Variants in CNTNAP2 observed in about 807,000 individuals in gnomAD.
CNTNAP2 encodes the protein contactin associated protein 2.
CNTNAP2 carries 98 observed loss-of-function variants against 155.2 expected under a neutral mutation model. The ratio of observed to expected loss-of-function variants is 0.63; its 90% CI spans 0.54 to 0.75. CNTNAP2 has a LOEUF of 0.75. Among genes scored for constraint, CNTNAP2 ranks in the 30% least tolerant of loss-of-function variants. The probability of loss-of-function intolerance (pLI) is 0.00; values close to 1 mark genes in which losing one functional copy is unlikely to be tolerated. For missense variants in CNTNAP2, 1,727 were observed against 1,688.1 expected, an observed-to-expected ratio of 1.02 and a Z score of -0.40; for synonymous variants, 651 against 631.2, an observed-to-expected ratio of 1.03 and a Z score of -0.47.
chr7:146,357,661 A>G (rs1383881053), intron 1 of CNTNAP2, among the ~76,000 whole-genome samples: 1 of 152,154 alleles, frequency 6.6e-6, no homozygotes, highest in East Asian at 1.9e-4. Flanking sequence ...ACATTTCTCT[A>G]TTTTGCTAAA....
chr7:146,378,393 A>AT (rs897976192), intron 1 of CNTNAP2, among the ~76,000 whole-genome samples: 4 of 152,124 alleles, frequency 2.6e-5, no homozygotes, highest in Admixed American at 6.5e-5. Context: ...GATGATGATG[A>AT]TGGTGATGAT....
At chr7:146,386,586 C>A (rs892821118) in intron 1 of CNTNAP2, among the ~76,000 whole-genome samples, 2 of 152,008 alleles carry the variant, frequency 1.3e-5, no homozygotes, top group Non-Finnish European at 2.9e-5. Flanking sequence ...CGGGGTTTCA[C>A]CATGTTGGAG....
At chr7:147,619,654 C>A (rs1330651175) in intron 12 of CNTNAP2, among the ~76,000 whole-genome samples, 1 of 152,186 alleles carries the variant, frequency 6.6e-6, no homozygotes, top group Non-Finnish European at 1.5e-5. Flanking sequence ...GACAGCTCAG[C>A]CACAGTACAA....
chr7:146,150,629 C>G (rs1416737527), intron 1 of CNTNAP2, among the ~76,000 whole-genome samples: 1 of 151,810 alleles, frequency 6.6e-6, no homozygotes, highest in African/African-American at 2.4e-5. Flanking sequence ...TCCTCTAATT[C>G]TTATATTTCT....
At chr7:147,136,233 T>C (rs1468021396) in intron 8 of CNTNAP2, among the ~76,000 whole-genome samples, 1 of 151,866 alleles carries the variant, frequency 6.6e-6, no homozygotes, top group Non-Finnish European at 1.5e-5. Flanking sequence ...AAAATTAACT[T>C]CTCTCCATGT....
chr7:146,433,800 G>A (rs933262002), intron 1 of CNTNAP2, among the ~76,000 whole-genome samples: 24 of 152,254 alleles, frequency 1.6e-4, no homozygotes, highest in Admixed American at 8.5e-4. Context: ...TGAGAACTCC[G>A]TCATGATATG....
intron 8 of CNTNAP2, among the ~76,000 whole-genome samples, chr7:147,292,979 G>T (rs1223464462): frequency 6.6e-6 from 1 of 152,108 alleles, no homozygotes; most frequent in African/African-American, 2.4e-5. Context: ...TGTTGGTCAG[G>T]CTGGTCTCAA....
At chr7:146,878,653 G>C (rs1038554205) in intron 3 of CNTNAP2, among the ~76,000 whole-genome samples, 6 of 152,060 alleles carry the variant, frequency 3.9e-5, no homozygotes, top group African/African-American at 1.4e-4. Context: ...TAAATTGACA[G>C]CGCCTGTTTC....
intron 13 of CNTNAP2, among the ~76,000 whole-genome samples, chr7:147,868,760 G>T (rs145534716): frequency 6.6e-6 from 1 of 152,222 alleles, no homozygotes; most frequent in East Asian, 1.9e-4. Flanking sequence ...GGCTCCATGG[G>T]CATGGGACCC....
chr7:147,450,664 G>A (rs1392697157), intron 10 of CNTNAP2, among the ~76,000 whole-genome samples: 3 of 152,138 alleles, frequency 2.0e-5, no homozygotes, highest in African/African-American at 7.2e-5. Context: ...ATTTGACTAT[G>A]TAAAAATCTA....
chr7:146,371,883 T>C (rs946772720), intron 1 of CNTNAP2, among the ~76,000 whole-genome samples: 3 of 150,354 alleles, frequency 2.0e-5, no homozygotes, highest in Admixed American at 1.3e-4. Context: ...TGCTTGAACC[T>C]GGGATGGGGA....
chr7:147,401,180 C>G (rs1449733980), intron 10 of CNTNAP2, among the ~76,000 whole-genome samples: 1 of 152,090 alleles, frequency 6.6e-6, no homozygotes, highest in Non-Finnish European at 1.5e-5. Context: ...TCTTTCCTGT[C>G]TAACTCCATT....
chr7:147,531,869 T>G (rs1355199320), intron 11 of CNTNAP2, among the ~76,000 whole-genome samples: 5 of 151,196 alleles, frequency 3.3e-5, no homozygotes, highest in South Asian at 4.2e-4. Context: ...TGCAGTGGTG[T>G]GATCTCAGCT....
chr7:146,306,075 A>T (rs1800706644), intron 1 of CNTNAP2, among the ~76,000 whole-genome samples: 1 of 152,164 alleles, frequency 6.6e-6, no homozygotes, highest in Non-Finnish European at 1.5e-5. Context: ...ATCACCACCA[A>T]TCCCACAGAA....
intron 13 of CNTNAP2, among the ~76,000 whole-genome samples, chr7:147,702,629 T>C (rs1584908510): frequency 6.6e-6 from 1 of 151,854 alleles, no homozygotes; most frequent in Non-Finnish European, 1.5e-5. Flanking sequence ...CCAGAAAAAG[T>C]AATAGAAGCA....
chr7:146,188,607 G>A (rs567851920), intron 1 of CNTNAP2, among the ~76,000 whole-genome samples: 5 of 152,172 alleles, frequency 3.3e-5, no homozygotes, highest in Admixed American at 1.3e-4. Context: ...CTGATTCTAG[G>A]CTATTATGTC....
At chr7:147,472,182 C>T (rs1244275887) in intron 10 of CNTNAP2, among the ~76,000 whole-genome samples, 2 of 146,402 alleles carry the variant, frequency 1.4e-5, no homozygotes, top group Non-Finnish European at 3.0e-5. Context: ...AAGGAGAATC[C>T]ATTGAAGTTT....
At chr7:147,543,769 A>G (rs1457906134) in intron 11 of CNTNAP2, among the ~76,000 whole-genome samples, 1 of 152,164 alleles carries the variant, frequency 6.6e-6, no homozygotes, top group East Asian at 1.9e-4. Context: ...GTAAATCTCC[A>G]AAGAACCATG....
chr7:147,128,818 A>G lies in CNTNAP2; in HGVS notation c.1065A>G (p.Lys355=), dbSNP rs771980187. Residue 355 remains lysine, a synonymous_variant, in exon 7 of 24, where the codon AAA becomes AAG. Coordinates refer to ENST00000361727, the MANE Select transcript of CNTNAP2 (RefSeq NM_014141.6). ...VNITDLARRK[K]LEPSNVGNLS... is the part of the protein sequence containing the mutation. ...TTACTGATCTTGCCAGAAGGAAGAA[A>G]TTAGAGCCCTCAAATGTGGTAAGGA... The G allele has an allele frequency of 6.2e-7, 1 of 1,614,070 alleles. No individual in the cohort carries two copies. Among genetic ancestry groups the G allele is most frequent in the Non-Finnish European group, 8.5e-7 (1 of 1,179,930 alleles).
Sources: allele counts gnomAD v4.1 joint callset (sites outside exome capture counted in the v4.1 genomes callset), GRCh38; gene constraint gnomAD v4.1.1; transcripts MANE v1.5; gene names NCBI Gene and HGNC (gene_info 2026-07-23, HGNC 2026-07-21).